NBPF26: variants seen among roughly 807,000 people sequenced by gnomAD.
The protein encoded by NBPF26 is NBPF member 26.
NBPF26 carries 79 observed loss-of-function variants against 119.6 expected under a neutral mutation model. The ratio of observed to expected loss-of-function variants is 0.66; its 90% CI spans 0.55 to 0.80. The LOEUF (loss-of-function observed/expected upper bound fraction) is 0.80. Among genes scored for constraint, NBPF26 ranks in the 30% least tolerant of loss-of-function variants. NBPF26 has a pLI of 0.00. For missense variants in NBPF26, 800 were observed against 1,198.2 expected (o/e 0.67, Z 4.91); for synonymous variants, 299 against 457.7 (o/e 0.65, Z 4.43).
At position 120,802,340 on chromosome 1, in the gene NBPF26, G is replaced by A. The variant is rs1651592249; in HGVS notation, c.752-3216G>A. 1.6e-5 allele frequency among the ~76,000 whole-genome samples: 2 copies of A among 126,122 alleles called. 1 individual carries two copies. The highest frequency in any genetic ancestry group is 3.2e-5 in the Non-Finnish European group (2 of 61,626). The allele number at this position is 126,122 out of a possible 152,430, so 82.7% of individuals were successfully genotyped here. A position where few individuals can be genotyped will look rare whatever the true frequency, so the allele number is the denominator to read the frequency against. ...TCAACTTGGGGGTAGGACCCATTGAGCTGCATCACATCATTCCAAAGCCAA... is the reference window on the plus strand; with the variant it reads ...TCAACTTGGGGGTAGGACCCATTGAACTGCATCACATCATTCCAAAGCCAA... On this transcript the variant is annotated intron_variant, in intron 4 of 29. Transcript: ENST00000620612.
At chr1:120,815,452 G>A (rs1425076734) in intron 12 of NBPF26, among the ~76,000 whole-genome samples, 3 of 106,358 alleles carry the variant, frequency 2.8e-5, no homozygotes, top group Admixed American at 8.9e-5. Flanking sequence ...CTCTCTCTCC[G>A]TGGCAGACAA....
rs1462987585 is a variant in NBPF26, at chr1:120,811,451, A to T, written c.1565-435A>T. On this transcript the variant is annotated intron_variant, in intron 9 of 29. Transcript: ENST00000620612. ...TCCCAGATGCTTGGCAGGCTGAGGG[A>T]TGAGAATCACTTGAACCCGGGCGGC... is the stretch of plus-strand genomic sequence containing the variant. Among the ~76,000 whole-genome samples, 3 of 112,202 alleles carry T rather than the reference A, an allele frequency of 2.7e-5. 1 individual carries two copies. Among genetic ancestry groups the T allele is most frequent in the Non-Finnish European group, 5.2e-5 (3 of 57,698 alleles). The allele number at this position is 112,202 out of a possible 152,430, so 73.6% of individuals were successfully genotyped here.
rs1473323073 is a variant in NBPF26 at position 120,737,874 on chromosome 1, TG to T, written c.73+13625del. Among the ~76,000 whole-genome samples the T allele has an allele frequency of 3.9e-5, 4 of 101,878 alleles. 1 individual carries two copies. 66.8% of individuals were successfully genotyped at this position (101,878 alleles called of 152,430 possible). Reference sequence around the variant, plus strand: ...ACAAGTGGTTGTCAGGTTTTTATTTTGTTTTGTTTTAAGAAAAAATTCCAAA... The same window carrying T: ...ACAAGTGGTTGTCAGGTTTTTATTTTTTTTGTTTTAAGAAAAAATTCCAAA... On this transcript the variant is annotated intron_variant, in intron 1 of 29. Coordinates refer to ENST00000620612, the Ensembl canonical transcript of NBPF26.
chr1:120,802,598 C>T (rs1553269100), intron 4 of NBPF26, among the ~76,000 whole-genome samples: 2 of 119,688 alleles, frequency 1.7e-5, no homozygotes, highest in Admixed American at 7.9e-5. Context: ...ATTAAGTTTA[C>T]CTCTTTTTGC....
At position 120,811,309 on chromosome 1, in the gene NBPF26, G is replaced by A. The variant is rs1346595911; in HGVS notation, c.1565-577G>A. ...CATCTTAATCCCAACACTTTGGGAGGCCGAGGTGGGCGGAACACCTGAGCT... is the reference window on the plus strand; with the variant it reads ...CATCTTAATCCCAACACTTTGGGAGACCGAGGTGGGCGGAACACCTGAGCT... On this transcript the variant is annotated intron_variant, in intron 9 of 29. Coordinates refer to ENST00000620612, the Ensembl canonical transcript of NBPF26. 3.6e-5 allele frequency among the ~76,000 whole-genome samples: 4 copies of A among 109,782 alleles called. 2 individuals are homozygous for A. Among genetic ancestry groups the A allele is most frequent in the Non-Finnish European group, 7.0e-5 (4 of 56,916 alleles). The allele number at this position is 109,782 out of a possible 152,430, so 72.0% of individuals were successfully genotyped here.
At chr1:120,790,848 C>T (rs1412171866) in intron 3 of NBPF26, among the ~76,000 whole-genome samples, 1 of 100,614 alleles carries the variant, frequency 9.9e-6, no homozygotes, top group Admixed American at 1.0e-4. Context: ...GATCTGCCCA[C>T]CTCAGCCTCC....
Position 120,801,826 on chromosome 1 carries a change from C to CAAAAAA in NBPF26, c.752-3710_752-3705dup, listed in dbSNP as rs1168359637. 4.1e-3 allele frequency among the ~76,000 whole-genome samples: 37 copies of CAAAAAA among 9,076 alleles called. 6 individuals carry two copies. Among genetic ancestry groups the CAAAAAA allele is most frequent in the South Asian group, 6.4e-3 (1 of 156 alleles). 6.0% of individuals were successfully genotyped at this position (9,076 alleles called of 152,430 possible). A position where few individuals can be genotyped will look rare whatever the true frequency, so the allele number is the denominator to read the frequency against. ...TGGGTGACAGAACAAGACCCTGTCT[C>CAAAAAA]AAAAAAAAAAAAAAAAAAAAAAAAA... On this transcript the variant is annotated intron_variant, in intron 4 of 29. Transcript: ENST00000620612.
chr1:120,759,267 CTTTTTTTT>C (rs1169932555), intron 1 of NBPF26, among the ~76,000 whole-genome samples: 1 of 33,320 alleles, frequency 3.0e-5, no homozygotes. Flanking sequence ...CTTCTTTTTG[CTTTTTTTT>C]TTTTTTTTTT....
chr1:120,724,786 C>T (rs1206086037), intron 1 of NBPF26, among the ~76,000 whole-genome samples: 2 of 106,406 alleles, frequency 1.9e-5, no homozygotes, highest in East Asian at 2.2e-4. Context: ...GGTTTTGCGG[C>T]GCGCCTGAGT....
At chr1:120,807,015 T>C (rs1651708962) in intron 5 of NBPF26, among the ~76,000 whole-genome samples, 1 of 129,876 alleles carries the variant, frequency 7.7e-6, no homozygotes, top group Non-Finnish European at 1.6e-5. Context: ...CTAATCTAAA[T>C]CTTAATGCTG....
chr1:120,763,929 G>T (rs1202025311), intron 2 of NBPF26, among the ~76,000 whole-genome samples: 1 of 107,654 alleles, frequency 9.3e-6, no homozygotes, highest in Non-Finnish European at 1.7e-5. Context: ...CTATGAAAAA[G>T]ACTTTTCAGT....
At position 120,745,236 on chromosome 1, in the gene NBPF26, C is replaced by G. The variant is rs1425414673; in HGVS notation, c.74-18392C>G. ...TGGTTTTTTAAACTGCAGATCATGACCACGAATGGGTCATGAAACCAATTT... is the reference window on the plus strand; with the variant it reads ...TGGTTTTTTAAACTGCAGATCATGAGCACGAATGGGTCATGAAACCAATTT... On this transcript the variant is annotated intron_variant, in intron 1 of 29. Transcript: ENST00000620612. Among the ~76,000 whole-genome samples the G allele has an allele frequency of 1.8e-5, 2 of 108,944 alleles. 1 individual carries two copies. Among genetic ancestry groups the G allele is most frequent in the Admixed American group, 1.8e-4 (2 of 11,216 alleles). 71.5% of individuals were successfully genotyped at this position (108,944 alleles called of 152,430 possible). A position where few individuals can be genotyped will look rare whatever the true frequency, so the allele number is the denominator to read the frequency against.
intron 2 of NBPF26, among the ~76,000 whole-genome samples, chr1:120,765,985 T>TG (rs1329250722): frequency 7.3e-5 from 1 of 13,700 alleles, no homozygotes; most frequent in Non-Finnish European, 1.2e-4. Flanking sequence ...TGTCAGGGGG[T>TG]GGGGGGAAAG....
At chr1:120,764,125 G>T (rs1278429733) in intron 2 of NBPF26, among the ~76,000 whole-genome samples, 4 of 111,194 alleles carry the variant, frequency 3.6e-5, no homozygotes, top group Non-Finnish European at 6.9e-5. Context: ...CGCATGACTG[G>T]AGTCCCAGCT....
chr1:120,812,158 A>G, intron 10 of NBPF26, 63 bp downstream of exon 10: 1 of 966,440 alleles, frequency 1.0e-6, no homozygotes, highest in East Asian at 2.4e-5. Context: ...TCTCTGAGAC[A>G]CTAAATGCTC....
intron 3 of NBPF26, among the ~76,000 whole-genome samples, chr1:120,790,010 C>T (rs1389020385): frequency 2.9e-5 from 1 of 34,962 alleles, no homozygotes; most frequent in Non-Finnish European, 5.0e-5. Flanking sequence ...TTCTGATCAC[C>T]TTTTTTTTTT....
Position 120,812,921 on chromosome 1 carries a change from AAATAATAATAAT to A in NBPF26, c.1774+853_1774+864del, listed in dbSNP as rs1209954653. Among the ~76,000 whole-genome samples, 448 of 111,116 alleles carry A rather than the reference AAATAATAATAAT, an allele frequency of 4.0e-3. 18 individuals are homozygous for A. The highest frequency in any genetic ancestry group is 4.4e-3 in the Non-Finnish European group (256 of 58,222). 72.9% of individuals were successfully genotyped at this position (111,116 alleles called of 152,430 possible). On this transcript the variant is annotated intron_variant, in intron 10 of 29. Transcript: ENST00000620612. ...CTGGGCGACAGGGCAAGACTGCTAA[AAATAATAATAAT>A]AATAATAATAATAATAATAATAATA...
chr1:120,808,127 T>C (rs1436509349), intron 6 of NBPF26, among the ~76,000 whole-genome samples: 3 of 119,004 alleles, frequency 2.5e-5, no homozygotes, highest in South Asian at 2.6e-4. Flanking sequence ...CATTCTTTTC[T>C]TCTTTCATCT....
chr1:120,811,037 G>C (rs1360253338), intron 9 of NBPF26, among the ~76,000 whole-genome samples: 1 of 100,464 alleles, frequency 1.0e-5, no homozygotes, highest in Non-Finnish European at 1.9e-5. Flanking sequence ...TCAGGAGATT[G>C]AGACCATCCT....
Sources: gnomAD v4.1 joint callset for allele counts (sites outside exome capture counted in the v4.1 genomes callset) on GRCh38, gnomAD v4.1.1 for gene constraint, MANE v1.5 for transcripts, NCBI Gene and HGNC (gene_info 2026-07-23, HGNC 2026-07-21) for gene names.